ERBB4: variants seen among roughly 807,000 people sequenced by gnomAD.
ERBB4 encodes the protein erb-b2 receptor tyrosine kinase 4.
Under a neutral mutation model 158.0 loss-of-function variants are expected in ERBB4, and 42 were observed. That is an observed-to-expected ratio of 0.27 (90% CI 0.21 to 0.34). The LOEUF is 0.34. ERBB4 is among the 10% of genes least tolerant of loss of function. ERBB4 has a pLI of 1.00. For missense variants in ERBB4, 1,333 were observed against 1,624.1 expected (o/e 0.82, Z 3.08); for synonymous variants, 583 against 558.7 (o/e 1.04, Z -0.61).
In ERBB4 at chr2:211,960,493, G is replaced by A. The variant is rs929458215; in HGVS notation, c.235-12877C>T. 3.0e-4 allele frequency: 45 copies of A among 152,036 alleles called. 1 individual carries two copies. Among genetic ancestry groups the A allele is most frequent in the African/African-American group, 4.8e-5 (2 of 41,396 alleles). The allele number at this position is 152,036 out of a possible 1,614,324, so 9.4% of individuals were successfully genotyped here. A position where few individuals can be genotyped will look rare whatever the true frequency, so the allele number is the denominator to read the frequency against. ...ATAAGCATTCATCCTTTTCCTTTAT[G>A]AGTTGTAACACCAGGTAACGAAATA... is the stretch of plus-strand genomic sequence containing the variant. On this transcript the variant is annotated intron_variant, in intron 2 of 27. Coordinates refer to ENST00000342788, the MANE Select transcript of ERBB4 (RefSeq NM_005235.3).
intron 1 of ERBB4, among the ~76,000 whole-genome samples, chr2:212,188,727 T>TACTATCAAAAAC (rs2082102455): frequency 1.3e-5 from 2 of 151,998 alleles, no homozygotes; most frequent in Non-Finnish European, 2.9e-5. Flanking sequence ...CAGAACTCAG[T>TACTATCAAAAAC]TTAAATACTA....
intron 4 of ERBB4, among the ~76,000 whole-genome samples, chr2:211,764,732 C>A (rs1037443457): frequency 6.6e-6 from 1 of 151,854 alleles, no homozygotes; most frequent in Non-Finnish European, 1.5e-5. Flanking sequence ...ATAGAATAGC[C>A]ATTTGGGACA....
At chr2:212,260,707 G>A (rs1559869774) in intron 1 of ERBB4, among the ~76,000 whole-genome samples, 2 of 152,144 alleles carry the variant, frequency 1.3e-5, no homozygotes, top group East Asian at 1.9e-4. Flanking sequence ...AAGCTACTCG[G>A]GAGGCTAATC....
chr2:211,897,665 A>T (rs960856408), intron 3 of ERBB4, among the ~76,000 whole-genome samples: 4 of 152,080 alleles, frequency 2.6e-5, no homozygotes, highest in African/African-American at 4.8e-5. Context: ...CCCTTCTTAA[A>T]GATACCTTTT....
Position 211,387,084 on chromosome 2 carries a change from G to T in ERBB4, c.3250C>A (p.Pro1084Thr), listed in dbSNP as rs758164437. The part of the protein sequence containing the change: ...EQGVSVPYRA[P>T]TSTIPEAPVA... ...GGAGCTTCTGGAATTGTGCTAGTTG[G>T]GGCTCTGTAGGGCACAGACACTCCT... Residue 1084 changes from proline to threonine, a missense_variant, in exon 27 of 28, where the codon CCA becomes ACA. Pro to Thr is a conservative substitution (Grantham distance 38). Coordinates refer to ENST00000342788, the MANE Select transcript of ERBB4 (RefSeq NM_005235.3). The T allele has an allele frequency of 6.2e-6, 10 of 1,613,840 alleles. No homozygotes were observed. The highest frequency in any genetic ancestry group is 3.3e-5 in the Admixed American group (2 of 60,002).
At chr2:211,582,432 T>C (rs2068132162) in intron 19 of ERBB4, among the ~76,000 whole-genome samples, 1 of 152,194 alleles carries the variant, frequency 6.6e-6, no homozygotes, top group Non-Finnish European at 1.5e-5. Context: ...ATCTAAGTCT[T>C]TCCTTTAAGA....
intron 19 of ERBB4, 142 bp from the exon 20 acceptor site, chr2:211,562,230 T>C (rs2067416188): frequency 1.4e-6 from 1 of 717,732 alleles, no homozygotes; most frequent in Non-Finnish European, 2.4e-6. Flanking sequence ...AGACATAATT[T>C]CAGTTATTCT....
chr2:212,310,713 AT>A (rs1417373005), intron 1 of ERBB4, among the ~76,000 whole-genome samples: 2 of 150,426 alleles, frequency 1.3e-5, no homozygotes, highest in Non-Finnish European at 1.5e-5. Flanking sequence ...TAACTGAAAA[AT>A]ATTTTATTTT....
intron 3 of ERBB4, among the ~76,000 whole-genome samples, chr2:211,904,596 C>A (rs1322136971): frequency 6.6e-6 from 1 of 152,006 alleles, no homozygotes; most frequent in African/African-American, 2.4e-5. Flanking sequence ...ACACTTAGTG[C>A]TAAATAAATA....
At chr2:211,491,909 G>T (rs948664386) in intron 20 of ERBB4, among the ~76,000 whole-genome samples, 2 of 151,996 alleles carry the variant, frequency 1.3e-5, no homozygotes, top group African/African-American at 4.8e-5. Context: ...TTCAAAGCTT[G>T]AGACAGGGAG....
rs2062516436 is a variant in ERBB4, at chr2:211,378,413, C to A, written c.*5202G>T. ...CTACATTTTTGGACCTCTACAAAAT[C>A]AGTGAGACTTGAACCGAGTATCTGA... On this transcript the variant is annotated 3_prime_UTR_variant, in exon 28 of 28. Coordinates refer to ENST00000342788, the MANE Select transcript of ERBB4 (RefSeq NM_005235.3). 4.3e-6 allele frequency: 1 copy of A among 232,598 alleles called. No individual in the cohort carries two copies. Among genetic ancestry groups the A allele is most frequent in the African/African-American group, 2.2e-5 (1 of 45,286 alleles). 14.4% of individuals were successfully genotyped at this position (232,598 alleles called of 1,614,324 possible).
At chr2:211,539,341 A>C (rs755014078) in intron 20 of ERBB4, among the ~76,000 whole-genome samples, 1 of 151,946 alleles carries the variant, frequency 6.6e-6, no homozygotes, top group Non-Finnish European at 1.5e-5. Flanking sequence ...CAATTGTAAA[A>C]ACTTTGCAAA....
At chr2:211,408,814 T>TA (rs2063197176) in intron 25 of ERBB4, among the ~76,000 whole-genome samples, 1 of 152,354 alleles carries the variant, frequency 6.6e-6, no homozygotes, top group Admixed American at 6.5e-5. Flanking sequence ...GATTCTGGTG[T>TA]AAAAATAAAA....
intron 19 of ERBB4, among the ~76,000 whole-genome samples, chr2:211,595,339 C>A (rs1340601259): frequency 6.6e-6 from 1 of 151,838 alleles, no homozygotes; most frequent in African/African-American, 2.4e-5. Context: ...TCTTAAAATA[C>A]ATTTTTAAAG....
chr2:211,524,065 A>G lies in ERBB4; in HGVS notation c.2487+37838T>C, dbSNP rs181994173. Among the ~76,000 whole-genome samples, 731 of 152,216 alleles carry G rather than the reference A, an allele frequency of 4.8e-3. 9 individuals carry two copies. Among genetic ancestry groups the G allele is most frequent in the Non-Finnish European group, 6.7e-3 (457 of 68,008 alleles). On this transcript the variant is annotated intron_variant, in intron 20 of 27. Transcript: ENST00000342788. ...TGCACTCACAAACCCTGAGCTAGAC[A>G]CAGGGTGCTGATTGGTGTGTTTACA...
chr2:211,622,021 T>C (rs1574871898), intron 18 of ERBB4, among the ~76,000 whole-genome samples: 2 of 152,160 alleles, frequency 1.3e-5, no homozygotes, highest in African/African-American at 2.4e-5. Flanking sequence ...ATTTATGGCA[T>C]AGCTAAGTGA....
chr2:212,124,890 C>T lies in ERBB4; in HGVS notation c.96G>A (p.Thr32=), dbSNP rs957742286. ...CAGAGAGAGAGCTCAGTTTATTCTCCGTTCCTGCACACACTGCAAAGACAA... is the reference window on the plus strand; with the variant it reads ...CAGAGAGAGAGCTCAGTTTATTCTCTGTTCCTGCACACACTGCAAAGACAA... ...PSDSQSVCAG[T]ENKLSSLSDL... is the part of the protein sequence containing the mutation. Residue 32 remains threonine (T), a synonymous_variant, in exon 2 of 28, where the codon ACG becomes ACA. Transcript: ENST00000342788. 6.2e-7 allele frequency: 1 copy of T among 1,614,150 alleles called. No homozygotes were observed. The highest frequency in any genetic ancestry group is 8.5e-7 in the Non-Finnish European group (1 of 1,179,998).
intron 2 of ERBB4, among the ~76,000 whole-genome samples, chr2:212,054,147 C>T (rs2077482202): frequency 6.6e-6 from 1 of 152,052 alleles, no homozygotes; most frequent in Non-Finnish European, 1.5e-5. Flanking sequence ...TTCCACTGTG[C>T]TATGTGGAGT....
chr2:212,170,018 C>A (rs1474180330), intron 1 of ERBB4, among the ~76,000 whole-genome samples: 1 of 152,040 alleles, frequency 6.6e-6, no homozygotes, highest in African/African-American at 2.4e-5. Flanking sequence ...AGAGGTACTG[C>A]TATAAAGATA....
Sources: allele counts gnomAD v4.1 joint callset (sites outside exome capture counted in the v4.1 genomes callset), GRCh38; gene constraint gnomAD v4.1.1; transcripts MANE v1.5; gene names NCBI Gene and HGNC (gene_info 2026-07-23, HGNC 2026-07-21).